Variants in NPAS2 observed in about 807,000 individuals in gnomAD.
NPAS2 encodes neuronal PAS domain-containing protein 2.
Under a neutral mutation model 107.5 loss-of-function variants are expected in NPAS2, and 23 were observed. That is an observed-to-expected ratio of 0.21 (90% CI 0.15 to 0.30). The LOEUF is 0.30. Ranked by LOEUF, NPAS2 falls within the 10% of genes least tolerant of loss-of-function variation. The pLI, the probability that NPAS2 is intolerant of heterozygous loss-of-function variation, is 1.00. For missense variants in NPAS2, 756 were observed against 1,043.3 expected, an observed-to-expected ratio of 0.72 and a Z score of 3.79; for synonymous variants, 403 against 417.5, an observed-to-expected ratio of 0.97 and a Z score of 0.42.
intron 4 of NPAS2, chr2:100,934,787 T>C (rs1684194814): frequency 1.0e-6 from 1 of 985,316 alleles, no homozygotes; most frequent in South Asian, 4.7e-5. Context: ...CACGGTGATG[T>C]CACCATTGTC....
intron 2 of NPAS2, among the ~76,000 whole-genome samples, chr2:100,916,560 T>C (rs1558869359): frequency 6.6e-6 from 1 of 152,024 alleles, no homozygotes; most frequent in Non-Finnish European, 1.5e-5. Flanking sequence ...AGATAATAGC[T>C]CTAATATGTA....
At chr2:100,924,546 GTGTTCGTC>G (rs1037351952) in intron 2 of NPAS2, among the ~76,000 whole-genome samples, 1 of 152,214 alleles carries the variant, frequency 6.6e-6, no homozygotes, top group African/African-American at 2.4e-5. Flanking sequence ...ATTTTAAAAA[GTGTTCGTC>G]TGCTCTTAGC....
At chr2:100,925,371 C>A in intron 3 of NPAS2, 77 bp downstream of exon 3, 1 of 1,527,260 alleles carries the variant, frequency 6.5e-7, no homozygotes, top group East Asian at 2.3e-5. Flanking sequence ...ATCTGGGCTG[C>A]CTGGTTGGTT....
chr2:100,847,263 CAG>C (rs1193935090), intron 1 of NPAS2: 1 of 152,166 alleles, frequency 6.6e-6, no homozygotes, highest in Non-Finnish European at 1.5e-5. Flanking sequence ...TAGTTTTTAG[CAG>C]AGTTACATTT....
At chr2:100,985,170 A>ATCCG (rs1238674274) in intron 16 of NPAS2, 2 of 151,678 alleles carry the variant, frequency 1.3e-5, no homozygotes, top group Non-Finnish European at 2.9e-5. Flanking sequence ...CCATCCTTCC[A>ATCCG]TCCGTCCTTC....
chr2:100,914,769 G>A (rs1682766221), intron 2 of NPAS2, among the ~76,000 whole-genome samples: 1 of 152,162 alleles, frequency 6.6e-6, no homozygotes, highest in African/African-American at 2.4e-5. Flanking sequence ...TTTGGATCTT[G>A]GTAAGATGGA....
Position 100,963,581 on chromosome 2 carries a change from G to A in NPAS2, c.599-477G>A, listed in dbSNP as rs569044932. 4.6e-5 allele frequency among the ~76,000 whole-genome samples: 7 copies of A among 152,118 alleles called. No homozygotes were observed. The South Asian group carries it at 1.0e-3, about 23-fold the overall frequency. ...GCCCAGCTAATTTTTGTTTTTGTTT[G>A]TTTGTTTGTTTTTTAGTAGAGATGG... is the stretch of plus-strand genomic sequence containing the variant. On this transcript the variant is annotated intron_variant, in intron 7 of 20. Transcript: ENST00000335681.
Position 100,975,496 on chromosome 2 carries a change from G to C in NPAS2, c.1321G>C (p.Ala441Pro), listed in dbSNP as rs745802542. 1 of 1,613,508 alleles carries C rather than the reference G, an allele frequency of 6.2e-7. No individual in the cohort carries two copies. Among genetic ancestry groups the C allele is most frequent in the Non-Finnish European group, 8.5e-7 (1 of 1,179,728 alleles). Residue 441 changes from alanine (A) to proline (P), a missense_variant, in exon 14 of 21, where the codon GCT becomes CCT. Physicochemically the swap from Ala to Pro is conservative, Grantham distance 27. Around this residue, in one of 4 missense-constraint regions of NPAS2, gnomAD observed 496 missense variants for 594.4 expected, o/e 0.83. Coordinates refer to ENST00000335681, the MANE Select transcript of NPAS2 (RefSeq NM_002518.4). ...TKLMAEASTP[A>P]LPRSATLPQE... ...GCTGATGGCAGAGGCCAGCACCCCG[G>C]CTTTGCCAAGATCAGCCACCCTGCC...
At chr2:100,946,120 T>A (rs1674881227) in intron 5 of NPAS2, among the ~76,000 whole-genome samples, 1 of 152,244 alleles carries the variant, frequency 6.6e-6, no homozygotes, top group African/African-American at 2.4e-5. Flanking sequence ...ATTCAGTGCC[T>A]AATCGCACTT....
chr2:100,821,112 G>C (rs759515261), intron 1 of NPAS2: 1 of 1,304,698 alleles, frequency 7.7e-7, no homozygotes, highest in South Asian at 1.2e-5. Context: ...GAGCTGGGCA[G>C]GTCGGTAACC....
rs1020506440 is a variant in NPAS2, at chr2:100,990,298, G to A, written c.1870G>A (p.Gly624Ser). 11 of 1,614,068 alleles carry A rather than the reference G, an allele frequency of 6.8e-6. No homozygotes were observed. Among genetic ancestry groups the A allele is most frequent in the Admixed American group, 3.3e-5 (2 of 60,002 alleles). ...AAGCTCACAGCTAATGCAGAGCAGC[G>A]GCCGCTCTGGAAGCAGCCTAGTGTC... ...MRSSQLMQSS[G>S]RSGSSLVSPF... Residue 624 changes from glycine to serine, a missense_variant, in exon 18 of 21, where the codon GGC (glycine) becomes AGC (serine). Gly to Ser is a moderately conservative substitution (Grantham distance 56). Coordinates refer to ENST00000335681, the MANE Select transcript of NPAS2 (RefSeq NM_002518.4).
chr2:100,911,637 AT>A lies in NPAS2; in HGVS notation c.32+6863del, dbSNP rs538280270. ...AGCCTTTCTTATACATTTCCATTCA[AT>A]TTTTTTTTTTTGAGACAGAGTCTAG... is the stretch of plus-strand genomic sequence containing the variant. On this transcript the variant is annotated intron_variant, in intron 2 of 20. Transcript: ENST00000335681. Among the ~76,000 whole-genome samples, 985 of 141,528 alleles carry A rather than the reference AT, an allele frequency of 7.0e-3. 9 individuals are homozygous for A. The highest frequency in any genetic ancestry group is 0.023 in the African/African-American group (895 of 38,468). 92.8% of individuals were successfully genotyped at this position (141,528 alleles called of 152,430 possible). A position where few individuals can be genotyped will look rare whatever the true frequency, so the allele number is the denominator to read the frequency against.
intron 1 of NPAS2, among the ~76,000 whole-genome samples, chr2:100,832,124 C>T (rs984591911): frequency 2.6e-5 from 4 of 152,114 alleles, no homozygotes; most frequent in African/African-American, 4.8e-5. Context: ...CTGCGATCCC[C>T]GCTGAATCCC....
At chr2:100,892,437 A>G (rs12712083) in intron 1 of NPAS2, among the ~76,000 whole-genome samples, 85,943 of 151,916 alleles carry the variant, frequency 0.57, 26,355 homozygotes, top group African/African-American at 0.81. Flanking sequence ...TTAGACACTC[A>G]TGGTAGCGTT....
At chr2:100,979,286 C>T (rs997995176) in intron 15 of NPAS2, among the ~76,000 whole-genome samples, 10 of 151,628 alleles carry the variant, frequency 6.6e-5, no homozygotes, top group African/African-American at 2.4e-4. Context: ...ATTTCCAAGG[C>T]CTATTTGGTA....
chr2:100,834,835 C>T (rs1676958269), intron 1 of NPAS2, among the ~76,000 whole-genome samples: 1 of 152,136 alleles, frequency 6.6e-6, no homozygotes, highest in Non-Finnish European at 1.5e-5. Flanking sequence ...GCTGGGATTA[C>T]AGGCATGCGC....
At chr2:100,910,589 C>T (rs182129876) in intron 2 of NPAS2, among the ~76,000 whole-genome samples, 3 of 150,420 alleles carry the variant, frequency 2.0e-5, no homozygotes, top group Admixed American at 6.6e-5. Flanking sequence ...AGTGCAATGG[C>T]GTGATCTCAG....
rs570056835 is a variant in NPAS2, at chr2:100,843,937, G to A, written c.-23+23523G>A. ...AGGAATTCCAGCACCCATGTCCTCC[G>A]TTTGCTCAGAAGGAGACAGAAATGG... On this transcript the variant is annotated intron_variant, in intron 1 of 20. Transcript: ENST00000335681. 3.4e-3 allele frequency among the ~76,000 whole-genome samples: 516 copies of A among 152,210 alleles called. 1 individual carries two copies. The highest frequency in any genetic ancestry group is 3.6e-3 in the Non-Finnish European group (248 of 68,018).
At chr2:100,978,359 T>C (rs1430599680) in intron 15 of NPAS2, among the ~76,000 whole-genome samples, 3 of 152,160 alleles carry the variant, frequency 2.0e-5, no homozygotes. Context: ...CTTTTAACAG[T>C]CTCTGTTCAC....
Sources: allele counts gnomAD v4.1 joint callset (sites outside exome capture counted in the v4.1 genomes callset), GRCh38; gene constraint gnomAD v4.1.1; regional missense constraint gnomAD v4.1.1; transcripts MANE v1.5; gene names NCBI Gene and HGNC (gene_info 2026-07-23, HGNC 2026-07-21).